PAPOLA: variants seen among roughly 807,000 people sequenced by gnomAD.
PAPOLA encodes poly(A) polymerase alpha, also known as polynucleotide adenylyltransferase alpha.
In PAPOLA, 15 loss-of-function variants were observed where a neutral mutation model predicts 100.6. The observed-to-expected ratio is 0.15, with a 90% CI of 0.10 to 0.23. PAPOLA has a LOEUF of 0.23. Ranked by LOEUF, PAPOLA falls within the 10% of genes least tolerant of loss-of-function variation. PAPOLA has a pLI of 1.00. For missense variants in PAPOLA, 533 were observed against 884.2 expected (o/e 0.60, Z 5.04); for synonymous variants, 293 against 300.0 (o/e 0.98, Z 0.24).
chr14:96,507,910 C>G (rs1184844981), intron 1 of PAPOLA, among the ~76,000 whole-genome samples: 2 of 152,134 alleles, frequency 1.3e-5, no homozygotes, highest in Non-Finnish European at 2.9e-5. Context: ...GAGTCTTGCT[C>G]TGTTGCCCAG....
chr14:96,559,575 CTCTCTCTATA>C (rs769849462), intron 19 of PAPOLA, among the ~76,000 whole-genome samples: 1 of 113,628 alleles, frequency 8.8e-6, no homozygotes, highest in Non-Finnish European at 1.8e-5. Context: ...CTCTCTCTCT[CTCTCTCTATA>C]TATATATATA....
intron 14 of PAPOLA, among the ~76,000 whole-genome samples, chr14:96,543,418 G>A (rs992437605): frequency 4.6e-5 from 7 of 152,024 alleles, no homozygotes; most frequent in African/African-American, 9.7e-5. Context: ...TTTGCTGTTC[G>A]TATGAGACTA....
intron 13 of PAPOLA, chr14:96,542,499 A>G: frequency 1.8e-6 from 1 of 548,862 alleles, no homozygotes; most frequent in Non-Finnish European, 3.2e-6. Flanking sequence ...CTTTATGGAG[A>G]TCCGTGCATA....
intron 16 of PAPOLA, among the ~76,000 whole-genome samples, chr14:96,550,269 G>C (rs1391451107): frequency 6.6e-6 from 1 of 152,070 alleles, no homozygotes; most frequent in East Asian, 1.9e-4. Context: ...TAATCAAATA[G>C]CTATTTAATA....
At chr14:96,539,221 GT>G (rs1254705929) in intron 12 of PAPOLA, among the ~76,000 whole-genome samples, 1 of 152,098 alleles carries the variant, frequency 6.6e-6, no homozygotes, top group Non-Finnish European at 1.5e-5. Flanking sequence ...GAAAACCAAT[GT>G]ATTCTCTAAG....
intron 21 of PAPOLA, among the ~76,000 whole-genome samples, chr14:96,564,185 A>G (rs1214410418): frequency 6.6e-6 from 1 of 152,070 alleles, no homozygotes; most frequent in Non-Finnish European, 1.5e-5. Flanking sequence ...TTGTTTTGAG[A>G]TAAATCTGGA....
chr14:96,526,771 C>G (rs1449715479), intron 4 of PAPOLA: 1 of 152,482 alleles, frequency 6.6e-6, no homozygotes, highest in East Asian at 1.9e-4. Context: ...GTGCTGTACA[C>G]CGTTCTTCCT....
chr14:96,543,953 T>G (rs1230179422), intron 14 of PAPOLA, among the ~76,000 whole-genome samples, 196 bp from the exon 15 acceptor site: 1 of 152,120 alleles, frequency 6.6e-6, no homozygotes, highest in East Asian at 1.9e-4. Flanking sequence ...CTCCTGGATC[T>G]CTGTTTATGT....
chr14:96,540,735 C>CT lies in PAPOLA; in HGVS notation c.1116-1507dup, dbSNP rs201463744. Among the ~76,000 whole-genome samples, 22 of 152,270 alleles carry CT rather than the reference C, an allele frequency of 1.4e-4. No homozygotes were observed. The East Asian group carries it at 2.9e-3, about 20-fold the overall frequency. On this transcript the variant is annotated intron_variant, in intron 12 of 21. Coordinates refer to ENST00000216277, the MANE Select transcript of PAPOLA (RefSeq NM_032632.5). ...TACCTTGTTTTTTATATATCTATCT[C>CT]TGTTACCTTGAGTTTATAGACTTCA...
chr14:96,546,822 C>T (rs566447533), intron 15 of PAPOLA, among the ~76,000 whole-genome samples: 1 of 152,234 alleles, frequency 6.6e-6, no homozygotes, highest in Admixed American at 6.5e-5. Context: ...TGGATTTCTA[C>T]TTTTCATCTT....
rs1566829526 is a variant in PAPOLA at position 96,507,287 on chromosome 14, T to TTTTTTTG, written c.8+4693_8+4694insGTTTTTT. 2.3e-3 allele frequency among the ~76,000 whole-genome samples: 268 copies of TTTTTTTG among 115,140 alleles called. 2 individuals are homozygous for TTTTTTTG. Among genetic ancestry groups the TTTTTTTG allele is most frequent in the African/African-American group, 9.7e-3 (256 of 26,348 alleles). The allele number at this position is 115,140 out of a possible 152,430, so 75.5% of individuals were successfully genotyped here. ...TTTTTGTTTTGGAAAATAGTTTTTT[T>TTTTTTTG]TTTTTTTTTTTTTTTTTTGAGACGG... On this transcript the variant is annotated intron_variant, in intron 1 of 21. Transcript: ENST00000216277.
intron 1 of PAPOLA, among the ~76,000 whole-genome samples, chr14:96,509,104 T>C (rs1335446077): frequency 6.6e-6 from 1 of 152,074 alleles, no homozygotes; most frequent in East Asian, 1.9e-4. Context: ...TGATCATGGG[T>C]CACTGCAGGC....
chr14:96,511,359 G>A (rs1028512423), intron 1 of PAPOLA, among the ~76,000 whole-genome samples: 9 of 152,042 alleles, frequency 5.9e-5, no homozygotes, highest in African/African-American at 2.2e-4. Context: ...CCAGGCGTTC[G>A]ACACCAGCCT....
In PAPOLA at chr14:96,522,112, C is replaced by CTTTT. The variant is rs1350167869; in HGVS notation, c.249+1043_249+1044insTTTT. Among the ~76,000 whole-genome samples the CTTTT allele has an allele frequency of 4.7e-3, 465 of 98,506 alleles. 14 individuals carry two copies. Among genetic ancestry groups the CTTTT allele is most frequent in the African/African-American group, 0.013 (253 of 19,616 alleles). The allele number at this position is 98,506 out of a possible 152,430, so 64.6% of individuals were successfully genotyped here. ...GCCACTGCATCTAGCCTCTTTCTTT[C>CTTTT]TTTCTTTTTTTTTTTTTTTTTTTTT... On this transcript the variant is annotated intron_variant, in intron 3 of 21. Coordinates refer to ENST00000216277, the MANE Select transcript of PAPOLA (RefSeq NM_032632.5).
chr14:96,558,605 A>G (rs1346231397), intron 19 of PAPOLA, among the ~76,000 whole-genome samples: 1 of 152,196 alleles, frequency 6.6e-6, no homozygotes, highest in Non-Finnish European at 1.5e-5. Flanking sequence ...AATACATATA[A>G]AAGAGTCATT....
chr14:96,533,578 G>A (rs1423628530), intron 9 of PAPOLA: 45 of 901,176 alleles, frequency 5.0e-5, no homozygotes, highest in East Asian at 1.2e-4. Flanking sequence ...TGTTTGAGAC[G>A]GAGTCTCACT....
intron 19 of PAPOLA, among the ~76,000 whole-genome samples, chr14:96,558,083 CTG>C (rs1203166569): frequency 6.6e-6 from 1 of 152,088 alleles, no homozygotes; most frequent in African/African-American, 2.4e-5. Flanking sequence ...TCATCTGTGT[CTG>C]TGTAATTATC....
intron 3 of PAPOLA, among the ~76,000 whole-genome samples, chr14:96,521,548 G>A (rs891181597): frequency 6.6e-6 from 1 of 151,878 alleles, no homozygotes. Flanking sequence ...GGAGTGTAGT[G>A]ACACCATTAT....
At chr14:96,505,466 G>T (rs1267113204) in intron 1 of PAPOLA, among the ~76,000 whole-genome samples, 1 of 152,162 alleles carries the variant, frequency 6.6e-6, no homozygotes, top group African/African-American at 2.4e-5. Context: ...ATGATAAAAA[G>T]GTGTGAAGGA....
Sources: allele counts gnomAD v4.1 joint callset (sites outside exome capture counted in the v4.1 genomes callset), GRCh38; gene constraint gnomAD v4.1.1; transcripts MANE v1.5; gene names NCBI Gene and HGNC (gene_info 2026-07-23, HGNC 2026-07-21).